Variants in SLC12A1 observed in about 807,000 individuals in gnomAD.
SLC12A1 encodes solute carrier family 12 member 1.
Under a neutral mutation model 130.4 loss-of-function variants are expected in SLC12A1, and 89 were observed. The observed-to-expected ratio is 0.68, with a 90% CI of 0.58 to 0.81. The LOEUF is 0.81. SLC12A1 is among the 40% of genes least tolerant of loss of function. SLC12A1 has a pLI of 0.00. For missense variants in SLC12A1, 1,310 were observed against 1,336.4 expected (o/e 0.98, Z 0.31); for synonymous variants, 499 against 460.0 (o/e 1.08, Z -1.09).
At position 48,230,454 on chromosome 15, in the gene SLC12A1, T is replaced by C; in HGVS notation, c.926T>C (p.Val309Ala). 1.2e-6 allele frequency: 2 copies of C among 1,612,998 alleles called. No individual in the cohort carries two copies. Among genetic ancestry groups the C allele is most frequent in the Non-Finnish European group, 1.7e-6 (2 of 1,179,544 alleles). ...NDIRIIGSITVVILLGISVAG... is the reference protein window; with the variant it reads ...NDIRIIGSITAVILLGISVAG... Reference sequence around the variant, plus strand: ...ATCCGGATTATAGGCTCCATCACAGTGGTGATTCTTCTAGGAATTTCAGTA... The same window carrying C: ...ATCCGGATTATAGGCTCCATCACAGCGGTGATTCTTCTAGGAATTTCAGTA... Residue 309 changes from valine (V) to alanine (A), a missense_variant, in exon 7 of 27, where the codon GTG (valine) becomes GCG (alanine). Physicochemically the swap from Val to Ala is moderately conservative, Grantham distance 64 (BLOSUM62 0). Transcript: ENST00000380993.
At position 48,292,746 on chromosome 15, in the gene SLC12A1, A is replaced by G. The variant is rs77216268; in HGVS notation, c.2960+882A>G. Among the ~76,000 whole-genome samples the G allele has an allele frequency of 7.6e-3, 1,155 of 152,212 alleles. 52 individuals carry two copies. In the East Asian group the frequency reaches 0.11, roughly 14 times the overall value. ...TTCTGCTGTCTCTTTCTCTTCCTATAAGGGCACTAATCCTAAAATAGGGAA... is the reference window on the plus strand; with the variant it reads ...TTCTGCTGTCTCTTTCTCTTCCTATGAGGGCACTAATCCTAAAATAGGGAA... On this transcript the variant is annotated intron_variant, in intron 24 of 26. Transcript: ENST00000380993.
rs756057922 is a variant in SLC12A1, at chr15:48,301,383, G to A, written c.3164+1G>A. 38 of 1,574,396 alleles carry A rather than the reference G, an allele frequency of 2.4e-5. No homozygotes were observed. The highest frequency in any genetic ancestry group is 3.2e-5 in the Non-Finnish European group (37 of 1,156,754). The stretch of plus-strand genomic sequence containing the variant: ...CCAGAGCTGCTAATCTCATTGTCCT[G>A]TAAGTATCATTGCAAGCATTGAAGA... On this transcript the variant is annotated splice_donor_variant, in intron 26 of 26. Transcript: ENST00000380993. LOFTEE classifies it high-confidence loss of function.
intron 9 of SLC12A1, among the ~76,000 whole-genome samples, chr15:48,238,564 C>G (rs2041465676): frequency 6.6e-6 from 1 of 152,086 alleles, no homozygotes; most frequent in Non-Finnish European, 1.5e-5. Context: ...GAAGTAGTAA[C>G]GTGGTCACAA....
At chr15:48,285,994 T>C (rs1362256784) in intron 21 of SLC12A1, among the ~76,000 whole-genome samples, 1 of 152,242 alleles carries the variant, frequency 6.6e-6, no homozygotes, top group Admixed American at 6.5e-5. Flanking sequence ...CTGTAGTTAC[T>C]GAAGTCATAC....
chr15:48,207,777 C>T lies in SLC12A1; in HGVS notation c.58C>T (p.Arg20Cys), dbSNP rs764832819. Residue 20 changes from arginine to cysteine, a missense_variant, in exon 2 of 27, where the codon CGC becomes TGC. Coordinates refer to ENST00000380993, the MANE Select transcript of SLC12A1 (RefSeq NM_000338.3). ...FLDSVPSNTN[R>C]FQVSVINENH... is the part of the protein sequence containing the mutation. ...GGATTCAGTGCCCAGTAATACCAAT[C>T]GCTTTCAAGTTAGTGTCATAAATGA... The T allele has an allele frequency of 5.0e-6, 8 of 1,612,226 alleles. No homozygotes were observed. The highest frequency in any genetic ancestry group is 2.2e-5 in the South Asian group (2 of 90,618).
chr15:48,234,848 T>A (rs752834655), intron 8 of SLC12A1, 29 bp from the exon 9 acceptor site: 20 of 1,610,666 alleles, frequency 1.2e-5, no homozygotes, highest in Admixed American at 6.7e-5. Flanking sequence ...AATGTCTACA[T>A]CATAATTTTC....
chr15:48,283,745 G>A (rs1218465541), intron 20 of SLC12A1, among the ~76,000 whole-genome samples: 1 of 152,208 alleles, frequency 6.6e-6, no homozygotes, highest in Non-Finnish European at 1.5e-5. Flanking sequence ...CTCTCCCAGT[G>A]TTTTGTAACA....
intron 11 of SLC12A1, among the ~76,000 whole-genome samples, chr15:48,246,351 A>T (rs1322016358): frequency 6.6e-6 from 1 of 152,244 alleles, no homozygotes; most frequent in Admixed American, 6.5e-5. Context: ...CAAAGAACAG[A>T]GGGGAAAATG....
intron 20 of SLC12A1, among the ~76,000 whole-genome samples, chr15:48,280,849 TAC>T (rs149293315): frequency 2.6e-5 from 4 of 151,434 alleles, no homozygotes; most frequent in South Asian, 2.1e-4. Flanking sequence ...CACACACACA[TAC>T]ACACACACAC....
intron 15 of SLC12A1, among the ~76,000 whole-genome samples, chr15:48,252,729 G>C (rs1054977937): frequency 4.6e-5 from 7 of 152,000 alleles, no homozygotes; most frequent in African/African-American, 1.7e-4. Flanking sequence ...CAAGCAACTG[G>C]GGTTTGGTTA....
chr15:48,276,624 A>G (rs2041956802), intron 20 of SLC12A1, among the ~76,000 whole-genome samples: 2 of 152,208 alleles, frequency 1.3e-5, no homozygotes, highest in South Asian at 4.1e-4. Flanking sequence ...TCCGGCCTCC[A>G]GAATTGTGAG....
chr15:48,284,735 G>C (rs2042039891), intron 20 of SLC12A1, among the ~76,000 whole-genome samples: 1 of 152,066 alleles, frequency 6.6e-6, no homozygotes, highest in Non-Finnish European at 1.5e-5. Flanking sequence ...TACCTCCCAG[G>C]CTCAGGTGAT....
rs763019866 is a variant in SLC12A1, at chr15:48,249,642, CT to C, written c.1753del (p.Ser585ProfsTer58). On this transcript the variant is annotated frameshift_variant, in exon 14 of 27. Transcript: ENST00000380993. LOFTEE classifies it high-confidence loss of function. ...FLASYALINF[S>X]CFHASYAKSP... ...TGGCCTCATATGCACTTATTAATTT[CT>C]CCTGCTTCCATGCCTCTTATGCCAA... is the stretch of plus-strand genomic sequence containing the variant. The C allele has an allele frequency of 3.1e-6, 5 of 1,613,880 alleles. No homozygotes were observed. Among genetic ancestry groups the C allele is most frequent in the Non-Finnish European group, 4.2e-6 (5 of 1,179,782 alleles).
At chr15:48,235,353 AAAC>A in intron 9 of SLC12A1, 23 of 300,786 alleles carry the variant, frequency 7.6e-5, no homozygotes, top group Non-Finnish European at 1.1e-4. Flanking sequence ...AGTAAAAAAA[AAAC>A]AAAACAAAAC....
chr15:48,241,450 C>T (rs1040762549), intron 9 of SLC12A1, 65 bp from the exon 10 acceptor site: 43 of 1,277,902 alleles, frequency 3.4e-5, no homozygotes, highest in Non-Finnish European at 6.8e-6. Context: ...ATGAAAATAA[C>T]TCCAAGTGAT....
intron 15 of SLC12A1, 89 bp from the exon 16 acceptor site, chr15:48,255,722 A>C: frequency 1.2e-6 from 1 of 838,094 alleles, no homozygotes; most frequent in South Asian, 1.8e-5. Context: ...GCCAAGGAAA[A>C]TCATAGAAGG....
chr15:48,230,553 A>G, intron 7 of SLC12A1, 50 bp downstream of exon 7: 1 of 1,175,118 alleles, frequency 8.5e-7, no homozygotes, highest in Non-Finnish European at 1.3e-6. Flanking sequence ...CAGGTCCTGA[A>G]CAAATTGCAG....
intron 24 of SLC12A1, among the ~76,000 whole-genome samples, chr15:48,296,785 T>C (rs1382494192): frequency 6.6e-6 from 1 of 152,090 alleles, no homozygotes; most frequent in African/African-American, 2.4e-5. Context: ...TTAATGAGAT[T>C]CAAAATAGAA....
At chr15:48,222,958 G>T (rs1266230522) in intron 4 of SLC12A1, 1 of 152,222 alleles carries the variant, frequency 6.6e-6, no homozygotes, top group Non-Finnish European at 1.5e-5. Flanking sequence ...TGAATGAGCT[G>T]CTAATGCTGT....
Sources: allele counts gnomAD v4.1 joint callset (sites outside exome capture counted in the v4.1 genomes callset), GRCh38; gene constraint gnomAD v4.1.1; transcripts MANE v1.5; gene names NCBI Gene and HGNC (gene_info 2026-07-23, HGNC 2026-07-21).